The following NTRK1 variants were observed in gnomAD, a reference collection of about 807,000 sequenced individuals.
NTRK1 encodes neurotrophic receptor tyrosine kinase 1.
A neutral mutation model predicts 86.8 loss-of-function variants in NTRK1; 62 were observed. That is an observed-to-expected ratio of 0.71 (90% confidence interval 0.58 to 0.88). The LOEUF is 0.88. Ranked by LOEUF, NTRK1 falls within the 40% of genes least tolerant of loss-of-function variation. NTRK1 has a pLI of 0.00. For synonymous variants in NTRK1, 469 were observed against 456.6 expected (o/e 1.03, Z -0.35); for missense variants, 967 against 1,078.4 (o/e 0.90, Z 1.45).
chr1:156,875,530 G>T lies in NTRK1; in HGVS notation c.1365G>T (p.Val455=). The T allele has an allele frequency of 6.2e-7, 1 of 1,613,906 alleles. No homozygotes were observed. Among genetic ancestry groups the T allele is most frequent in the East Asian group, 2.2e-5 (1 of 44,874 alleles). The change falls in exon 12 of 17, where the codon GTG becomes GTT. Residue 455 remains valine, a synonymous_variant. Coordinates refer to ENST00000524377, the MANE Select transcript of NTRK1 (RefSeq NM_002529.4). ...RNKFGINRPA[V]LAPEDGLAMS... Reference sequence around the variant, plus strand: ...GTGTCTCCTCTCTAGGCCCGGCTGTGCTGGCTCCAGAGGATGGGCTGGCCA... The same window carrying T: ...GTGTCTCCTCTCTAGGCCCGGCTGTTCTGGCTCCAGAGGATGGGCTGGCCA...
At chr1:156,867,313 A>G (rs755895133) in intron 4 of NTRK1, among the ~76,000 whole-genome samples, 27 of 152,134 alleles carry the variant, frequency 1.8e-4, no homozygotes, top group Non-Finnish European at 3.4e-4. Context: ...GTCCATGTGT[A>G]CCTGGTGGGC....
At chr1:156,841,713 G>T in intron 1 of NTRK1, 4 of 1,614,142 alleles carry the variant, frequency 2.5e-6, no homozygotes, top group Non-Finnish European at 3.4e-6. Context: ...GGACTCGGGG[G>T]CCATCCAGCG....
chr1:156,822,610 A>T (rs7549730), intron 1 of NTRK1, among the ~76,000 whole-genome samples: 50 of 75,066 alleles, frequency 6.7e-4, no homozygotes, highest in African/African-American at 4.3e-3. Context: ...AAAAGATTAG[A>T]AAAAAAAAAA....
chr1:156,845,544 C>T, intron 2 of NTRK1: 1 of 1,325,414 alleles, frequency 7.5e-7, no homozygotes, highest in Non-Finnish European at 1.0e-6. Context: ...CCCACAAACC[C>T]CACCCCTCCC....
chr1:156,851,920 C>G lies in NTRK1; in HGVS notation c.50+9727C>G, dbSNP rs372331836. Reference sequence around the variant, plus strand: ...TATTACGGGTGAAGCCAGAAGGGCACTGGGCCAGGCAACTGCCCTGGTGTA... The same window carrying G: ...TATTACGGGTGAAGCCAGAAGGGCAGTGGGCCAGGCAACTGCCCTGGTGTA... On this transcript the variant is annotated intron_variant, in intron 2 of 16. Coordinates refer to the NTRK1 transcript ENST00000392302. 11 of 1,595,460 alleles carry G rather than the reference C, an allele frequency of 6.9e-6. No individual in the cohort carries two copies. The highest frequency in any genetic ancestry group is 9.4e-6 in the Non-Finnish European group (11 of 1,167,052).
At position 156,854,405 on chromosome 1, in the gene NTRK1, G is replaced by C. The variant is rs1655340056; in HGVS notation, c.51-9949G>C. 1.6e-6 allele frequency: 2 copies of C among 1,221,570 alleles called. No individual in the cohort carries two copies. The highest frequency in any genetic ancestry group is 2.6e-5 in the East Asian group (1 of 39,114). 75.7% of individuals were successfully genotyped at this position (1,221,570 alleles called of 1,614,324 possible). ...GGAGCCACACTGGCAGTAGGACAAT[G>C]AGTGAGGAGCCGGGCTCTGCTCTGG... On this transcript the variant is annotated intron_variant, in intron 2 of 16. Coordinates refer to the NTRK1 transcript ENST00000392302. This position sits in a 1 kb window ranked among gnomAD's most constrained non-coding sequence, Gnocchi z 4.2.
rs558428940 is a variant in NTRK1 at position 156,854,241 on chromosome 1, C to T, written c.51-10113C>T. The T allele has an allele frequency of 7.7e-5, 125 of 1,613,894 alleles. No individual in the cohort carries two copies. Among genetic ancestry groups the T allele is most frequent in the Admixed American group, 8.3e-5 (5 of 60,028 alleles). On this transcript the variant is annotated intron_variant, in intron 2 of 16. Transcript: ENST00000392302. This position sits in a 1 kb window ranked among gnomAD's most constrained non-coding sequence, Gnocchi z 4.2. Reference sequence around the variant, plus strand: ...AGGATCTGCAGGTGGCCCTCCACCACGCTGCAGTTCTCCAGCTGACGAAGC... The same window carrying T: ...AGGATCTGCAGGTGGCCCTCCACCATGCTGCAGTTCTCCAGCTGACGAAGC...
upstream of NTRK1, among the ~76,000 whole-genome samples, chr1:156,860,517 G>T (rs1655588885): frequency 6.6e-6 from 1 of 152,272 alleles, no homozygotes; most frequent in African/African-American, 2.4e-5. Context: ...TGGCTAGGAT[G>T]ACCTGGACAG....
rs556137368 is a variant in NTRK1 at position 156,829,944 on chromosome 1, C to T, written c.-63-12137C>T. Among the ~76,000 whole-genome samples the T allele has an allele frequency of 3.2e-4, 48 of 152,352 alleles. 1 individual carries two copies. In the South Asian group the frequency reaches 5.4e-3, roughly 17 times the overall value. On this transcript the variant is annotated intron_variant, in intron 1 of 16. Coordinates refer to the NTRK1 transcript ENST00000392302. ...CTGGGATTACAGGCATGAGCCACTA[C>T]GCTTGGCCCAGTTGTCTTTTTCTAT...
At chr1:156,879,384 C>A (rs6427335) in intron 15 of NTRK1, 22 bp downstream of exon 15, 1 of 1,586,546 alleles carries the variant, frequency 6.3e-7, no homozygotes, top group African/African-American at 1.3e-5. Flanking sequence ...TTGTCCCCAA[C>A]GCCTTCCCCT....
At position 156,881,577 on chromosome 1, in the gene NTRK1, G is replaced by C. The variant is rs1215993132; in HGVS notation, c.2326G>C (p.Asp776His). Reference protein sequence around the residue: ...REPQQRHSIKDVHARLQALAQ... With the variant: ...REPQQRHSIKHVHARLQALAQ... ...GCCCCAGCAACGCCACAGCATCAAG[G>C]ATGTGCACGCCCGGCTGCAAGCCCT... The change falls in exon 17 of 17, where the codon GAT (aspartate) becomes CAT (histidine). Residue 776 changes from aspartate to histidine, a missense_variant. Coordinates refer to ENST00000524377, the MANE Select transcript of NTRK1 (RefSeq NM_002529.4). 6.2e-7 allele frequency: 1 copy of C among 1,611,826 alleles called. No individual in the cohort carries two copies. The highest frequency in any genetic ancestry group is 1.1e-5 in the South Asian group (1 of 90,564).
At chr1:156,829,088 G>T (rs942147684) in intron 1 of NTRK1, among the ~76,000 whole-genome samples, 2 of 152,160 alleles carry the variant, frequency 1.3e-5, no homozygotes, top group African/African-American at 4.8e-5. Flanking sequence ...TATTCTGGCG[G>T]GGGAGAGAGA....
At chr1:156,862,473 T>C (rs1655697907) in intron 1 of NTRK1, among the ~76,000 whole-genome samples, 1 of 152,012 alleles carries the variant, frequency 6.6e-6, no homozygotes, top group South Asian at 2.1e-4. Context: ...CCCAAGTGGG[T>C]CCAGCAGGGT....
intron 7 of NTRK1, 108 bp from the exon 8 acceptor site, chr1:156,873,525 C>G (rs1647691300): frequency 1.2e-6 from 1 of 861,694 alleles, no homozygotes; most frequent in Non-Finnish European, 1.9e-6. Context: ...CCCAGGCCTG[C>G]CCTTTGATTT....
Position 156,861,042 on chromosome 1 carries a change from C to A in NTRK1, c.108C>A (p.Cys36Ter). 6.4e-7 allele frequency: 1 copy of A among 1,553,208 alleles called. No individual in the cohort carries two copies. Among genetic ancestry groups the A allele is most frequent in the Non-Finnish European group, 8.7e-7 (1 of 1,154,236 alleles). The change falls in exon 1 of 17, where the codon TGC (cysteine) becomes TGA (stop). Residue 36 changes from cysteine to a stop codon, truncating the protein, a stop_gained. Transcript: ENST00000524377. LOFTEE classifies it high-confidence loss of function. ...LILASAGAAP[C>*]PDACCPHGSS... ...TGGCATCTGCGGGCGCCGCACCCTG[C>A]CCCGATGCCTGCTGCCCCCACGGCT...
Position 156,841,753 on chromosome 1 carries a change from G to A in NTRK1, c.-63-328G>A, listed in dbSNP as rs773196691. The stretch of plus-strand genomic sequence containing the variant: ...GGCAGCAGCCCCTTCCCACCCTTGC[G>A]GTAATAGTCTGTCTCATACACGTCC... On this transcript the variant is annotated intron_variant, in intron 1 of 16. Transcript: ENST00000392302. 19 of 1,614,120 alleles carry A rather than the reference G, an allele frequency of 1.2e-5. 1 individual carries two copies. In the South Asian group the frequency reaches 1.4e-4, roughly 12 times the overall value.
intron 2 of NTRK1, chr1:156,844,364 G>T: frequency 6.4e-7 from 1 of 1,552,340 alleles, no homozygotes; most frequent in Non-Finnish European, 8.8e-7. Flanking sequence ...ATGCTGGGAG[G>T]TGAGGATGGG....
At chr1:156,840,971 G>C in intron 1 of NTRK1, 3 of 1,613,732 alleles carry the variant, frequency 1.9e-6, no homozygotes, top group Non-Finnish European at 2.5e-6. Context: ...CGGGCCCCCC[G>C]GCATTCCGGG....
At chr1:156,846,153 T>A in intron 2 of NTRK1, 2 of 1,542,812 alleles carry the variant, frequency 1.3e-6, no homozygotes, top group South Asian at 2.5e-5. Context: ...CTCAGGGGTG[T>A]GGGTCTTCCT....
Sources: gnomAD v4.1 joint callset for allele counts (sites outside exome capture counted in the v4.1 genomes callset) on GRCh38, gnomAD v4.1.1 for gene constraint, Gnocchi (gnomAD v3.1) non-coding constraint, MANE v1.5 for transcripts, NCBI Gene and HGNC (gene_info 2026-07-23, HGNC 2026-07-21) for gene names.